The following SLC24A2 variants were observed in gnomAD, a reference collection of about 807,000 sequenced individuals.
The protein encoded by SLC24A2 is solute carrier family 24 member 2.
SLC24A2 carries 36 observed loss-of-function variants against 62.0 expected under a neutral mutation model. The observed-to-expected ratio is 0.58, with a 90% CI of 0.44 to 0.77. SLC24A2 has a LOEUF of 0.77. SLC24A2 is among the 30% of genes least tolerant of loss of function. The pLI is 0.00. For missense variants in SLC24A2, 846 were observed against 817.9 expected (o/e 1.03, Z -0.42); for synonymous variants, 358 against 294.0 (o/e 1.22, Z -2.23).
At chr9:19,544,529 G>C (rs1195932617) in intron 8 of SLC24A2, among the ~76,000 whole-genome samples, 5 of 152,066 alleles carry the variant, frequency 3.3e-5, no homozygotes, top group African/African-American at 1.2e-4. Context: ...TAGTGTTGAT[G>C]GTCTTTACAA....
At chr9:20,209,584 G>A in the SLC24A2 span, among the ~76,000 whole-genome samples, 696 of 152,174 alleles carry the variant, frequency 4.6e-3, 5 homozygotes, top group African/African-American at 0.014. Context: ...CCAGACTGGG[G>A]GCTCTTGAAT....
At chr9:20,092,607 A>G in the SLC24A2 span, among the ~76,000 whole-genome samples, 34 of 152,340 alleles carry the variant, frequency 2.2e-4, no homozygotes, top group African/African-American at 7.9e-4. Flanking sequence ...AAAAATATTG[A>G]CAAAAATTGT....
At chr9:19,718,284 CTTTTTTTT>C (rs71335446) in intron 2 of SLC24A2, among the ~76,000 whole-genome samples, 1 of 55,714 alleles carries the variant, frequency 1.8e-5, no homozygotes, top group African/African-American at 8.5e-5. Flanking sequence ...TGATTTAACA[CTTTTTTTT>C]TTTTTTTTTT....
At chr9:19,929,498 T>C in the SLC24A2 span, 4 of 152,342 alleles carry the variant, frequency 2.6e-5, no homozygotes, top group East Asian at 1.9e-4. Context: ...GGTGACATTA[T>C]AGCCATCAGC....
chr9:20,302,574 G>C, the SLC24A2 span, among the ~76,000 whole-genome samples: 1 of 152,094 alleles, frequency 6.6e-6, no homozygotes, highest in Non-Finnish European at 1.5e-5. Flanking sequence ...TTCTAATCAG[G>C]TTATTTTCAT....
At chr9:20,075,499 T>C in the SLC24A2 span, among the ~76,000 whole-genome samples, 16 of 152,296 alleles carry the variant, frequency 1.1e-4, no homozygotes, top group East Asian at 2.9e-3. Flanking sequence ...AGCCCAACAT[T>C]GTTAGACTGT....
At chr9:19,891,812 A>G in the SLC24A2 span, among the ~76,000 whole-genome samples, 1 of 152,148 alleles carries the variant, frequency 6.6e-6, no homozygotes, top group Non-Finnish European at 1.5e-5. Context: ...AGAGAGCAAG[A>G]ACTCACTCAT....
At chr9:19,905,083 AATAG>A in the SLC24A2 span, among the ~76,000 whole-genome samples, 3 of 152,202 alleles carry the variant, frequency 2.0e-5, no homozygotes, top group Non-Finnish European at 2.9e-5. Context: ...ACTCTCAATT[AATAG>A]ATAAAGTACC....
At chr9:19,550,328 A>C (rs1024644731) in intron 7 of SLC24A2, 60 bp from the exon 8 acceptor site, 11 of 1,555,330 alleles carry the variant, frequency 7.1e-6, no homozygotes, top group Non-Finnish European at 8.9e-6. Flanking sequence ...CACAGGCACA[A>C]CAACAGGAGC....
the SLC24A2 span, among the ~76,000 whole-genome samples, chr9:20,065,237 G>GT: frequency 6.6e-6 from 1 of 152,210 alleles, no homozygotes; most frequent in Non-Finnish European, 1.5e-5. Context: ...TCCTCTCTGC[G>GT]TAAGAGTGGG....
chr9:19,897,263 C>A, the SLC24A2 span, among the ~76,000 whole-genome samples: 1 of 152,000 alleles, frequency 6.6e-6, no homozygotes, highest in Non-Finnish European at 1.5e-5. Flanking sequence ...AACAGTGACC[C>A]CATATTGTTA....
At chr9:20,232,403 C>T in the SLC24A2 span, among the ~76,000 whole-genome samples, 2 of 152,168 alleles carry the variant, frequency 1.3e-5, no homozygotes, top group Non-Finnish European at 2.9e-5. Flanking sequence ...ATTATTGCCT[C>T]AATTTCAGAT....
At chr9:20,042,899 C>T in the SLC24A2 span, among the ~76,000 whole-genome samples, 1 of 152,102 alleles carries the variant, frequency 6.6e-6, no homozygotes, top group African/African-American at 2.4e-5. Context: ...CAAGCCATGC[C>T]CATGTAAGAT....
the SLC24A2 span, among the ~76,000 whole-genome samples, chr9:19,828,599 G>T: frequency 6.6e-6 from 1 of 152,084 alleles, no homozygotes; most frequent in Non-Finnish European, 1.5e-5. Context: ...TTCACATTGG[G>T]ACTGGGCAAA....
At chr9:19,593,753 C>T (rs1000248853) in intron 5 of SLC24A2, among the ~76,000 whole-genome samples, 48 of 152,002 alleles carry the variant, frequency 3.2e-4, no homozygotes, top group African/African-American at 1.1e-3. Context: ...ACCCAAAGGG[C>T]GGGGCTTTGG....
At chr9:19,621,329 G>A (rs773952902) in intron 3 of SLC24A2, among the ~76,000 whole-genome samples, 1 of 152,230 alleles carries the variant, frequency 6.6e-6, no homozygotes, top group Non-Finnish European at 1.5e-5. Flanking sequence ...AAGAGATTGA[G>A]TCTGTATCCG....
At chr9:19,665,459 T>C (rs183972455) in intron 2 of SLC24A2, among the ~76,000 whole-genome samples, 1 of 152,246 alleles carries the variant, frequency 6.6e-6, no homozygotes, top group East Asian at 1.9e-4. Flanking sequence ...AAGTTTATCA[T>C]GATTGATCTA....
the SLC24A2 span, among the ~76,000 whole-genome samples, chr9:20,026,699 T>C: frequency 1.3e-5 from 2 of 152,148 alleles, no homozygotes; most frequent in South Asian, 4.1e-4. Context: ...GACTTAAATG[T>C]AAGATCTGAA....
the SLC24A2 span, among the ~76,000 whole-genome samples, chr9:19,874,974 C>T: frequency 1.6e-5 from 2 of 128,610 alleles, no homozygotes; most frequent in African/African-American, 5.8e-5. Context: ...TTTTCTATGT[C>T]TAACTTTATC....
Sources: allele counts gnomAD v4.1 joint callset (sites outside exome capture counted in the v4.1 genomes callset), GRCh38; gene constraint gnomAD v4.1.1; transcripts MANE v1.5; gene names NCBI Gene and HGNC (gene_info 2026-07-23, HGNC 2026-07-21).